The following ASGR1 variants were observed in gnomAD, a reference collection of about 807,000 sequenced individuals.
The protein encoded by ASGR1 is asialoglycoprotein receptor 1, also known as C-type lectin domain family 4 member H1.
In ASGR1, 35 loss-of-function variants were observed where a neutral mutation model predicts 33.1. The observed-to-expected ratio is 1.06, with a 90% CI of 0.81 to 1.40. The LOEUF is 1.40. Ranked by LOEUF, ASGR1 falls within the 40% of genes most tolerant of loss-of-function variation. The pLI is 0.00. For missense variants in ASGR1, 396 were observed against 373.7 expected (o/e 1.06, Z -0.49); for synonymous variants, 142 against 152.5 (o/e 0.93, Z 0.51).
chr17:7,174,700 CAG>C (rs1188265849), intron 5 of ASGR1, among the ~76,000 whole-genome samples: 25 of 145,082 alleles, frequency 1.7e-4, no homozygotes, highest in African/African-American at 5.8e-4. Context: ...CACACACACA[CAG>C]ACAATATACA....
Position 7,173,940 on chromosome 17 carries a change from C to A in ASGR1, c.701+21G>T. The A allele has an allele frequency of 1.9e-6, 3 of 1,613,858 alleles. No individual in the cohort carries two copies. Among genetic ancestry groups the A allele is most frequent in the Non-Finnish European group, 1.7e-6 (2 of 1,179,890 alleles). ...GGCGCGAAGGCGGCCGGACCCAGGC[C>A]GAGGGAGGGCGCGCACTCACTTGAA... On this transcript the variant is annotated intron_variant, in intron 8 of 8. Coordinates refer to ENST00000269299, the MANE Select transcript of ASGR1 (RefSeq NM_001671.5). This position sits in a 1 kb window ranked among gnomAD's most constrained non-coding sequence, Gnocchi z 4.7.
intron 5 of ASGR1, among the ~76,000 whole-genome samples, chr17:7,174,689 AC>A: frequency 6.9e-6 from 1 of 145,878 alleles, no homozygotes; most frequent in Non-Finnish European, 1.5e-5. Context: ...ACACATCCTA[AC>A]ACACACACAC....
chr17:7,177,059 C>T lies in ASGR1; in HGVS notation c.205G>A (p.Glu69Lys). Residue 69 changes from glutamate to lysine, a missense_variant, in exon 4 of 9, where the codon GAG (glutamate) becomes AAG (lysine). Glu to Lys is a moderately conservative substitution (Grantham distance 56). Coordinates refer to ENST00000269299, the MANE Select transcript of ASGR1 (RefSeq NM_001671.5). ...IGSQNSQLQEELRGLRETFSN... is the reference protein window; with the variant it reads ...IGSQNSQLQEKLRGLRETFSN... ...AACGTCTCTCTCAGGCCCCGCAGCT[C>T]CTCCTGCAGCTGGGAGTCTGGCCAG... The T allele has an allele frequency of 6.2e-7, 1 of 1,613,784 alleles. No homozygotes were observed. The highest frequency in any genetic ancestry group is 1.3e-5 in the African/African-American group (1 of 74,974).
intron 5 of ASGR1, chr17:7,176,590 ACTC>A (rs1459253261): frequency 5.2e-6 from 3 of 575,708 alleles, no homozygotes; most frequent in Non-Finnish European, 9.1e-6. Flanking sequence ...ACTCACACAC[ACTC>A]CATCTCATTC....
chr17:7,176,979 A>T lies in ASGR1; in HGVS notation c.283+2T>A, dbSNP rs1597424255. ...GCCCCAGCCCCGCCCCAGCGCCCTCACCCTGGGTGCTCAAGCCCTTGACCT... is the reference window on the plus strand; with the variant it reads ...GCCCCAGCCCCGCCCCAGCGCCCTCTCCCTGGGTGCTCAAGCCCTTGACCT... On this transcript the variant is annotated splice_donor_variant, in intron 4 of 8. Transcript: ENST00000269299. LOFTEE classifies it high-confidence loss of function. The T allele has an allele frequency of 1.3e-6, 2 of 1,552,886 alleles. No individual in the cohort carries two copies.
chr17:7,177,380 C>T (rs529915776), intron 2 of ASGR1, 54 bp from the exon 3 acceptor site: 1 of 1,427,858 alleles, frequency 7.0e-7, no homozygotes, highest in East Asian at 2.3e-5. Flanking sequence ...CCTGGCACAG[C>T]TCCAGGGTCC....
intron 5 of ASGR1, chr17:7,176,518 C>G: frequency 4.3e-6 from 2 of 463,750 alleles, no homozygotes; most frequent in South Asian, 4.6e-5. Context: ...CACACACCCC[C>G]TCTCATTCCC....
chr17:7,177,530 C>T (rs568853115), intron 2 of ASGR1: 7 of 556,718 alleles, frequency 1.3e-5, no homozygotes, highest in African/African-American at 1.1e-4. Flanking sequence ...GGGGGCTAAG[C>T]GCTGAGCCGC....
In ASGR1 at chr17:7,177,290, C is replaced by T; in HGVS notation, c.107G>A (p.Cys36Tyr). The T allele has an allele frequency of 6.2e-7, 1 of 1,613,622 alleles. No individual in the cohort carries two copies. Among genetic ancestry groups the T allele is most frequent in the South Asian group, 1.1e-5 (1 of 91,044 alleles). The part of the protein sequence containing the change: ...PPPQPLLQRL[C>Y]SGPRLLLLSL... Reference sequence around the variant, plus strand: ...GAGCAGGAGGAGGCGAGGTCCGGAGCAGAGACGCTGCAGGAGGGGCTGGGG... The same window carrying T: ...GAGCAGGAGGAGGCGAGGTCCGGAGTAGAGACGCTGCAGGAGGGGCTGGGG... Residue 36 changes from cysteine (C) to tyrosine (Y), a missense_variant, in exon 3 of 9, where the codon TGC (cysteine) becomes TAC (tyrosine). By Grantham distance (194) the Cys-to-Tyr change is radical. Coordinates refer to ENST00000269299, the MANE Select transcript of ASGR1 (RefSeq NM_001671.5).
chr17:7,175,467 A>G (rs2069186379), intron 5 of ASGR1, among the ~76,000 whole-genome samples: 1 of 149,108 alleles, frequency 6.7e-6, no homozygotes, highest in Non-Finnish European at 1.5e-5. Context: ...CACATACAAC[A>G]CACCCTCACC....
Position 7,174,151 on chromosome 17 carries a change from G to A in ASGR1, c.581C>T (p.Ser194Phe). Residue 194 changes from serine to phenylalanine, a missense_variant, in exon 7 of 9, where the codon TCC becomes TTC. Transcript: ENST00000269299. Reference protein sequence around the residue: ...LEDAHLVVVTSWEEQKFVQHH... With the variant: ...LEDAHLVVVTFWEEQKFVQHH... ...CCGGGTCCTCACCTGCTCCTCCCAGGACGTGACCACCACCAGGTGCGCGTC... is the reference window on the plus strand; with the variant it reads ...CCGGGTCCTCACCTGCTCCTCCCAGAACGTGACCACCACCAGGTGCGCGTC... 1 of 1,614,114 alleles carries A rather than the reference G, an allele frequency of 6.2e-7. No homozygotes were observed. The highest frequency in any genetic ancestry group is 8.5e-7 in the Non-Finnish European group (1 of 1,179,996).
At chr17:7,174,338 G>A (rs779871802) in intron 6 of ASGR1, 36 bp downstream of exon 6, 2 of 1,613,706 alleles carry the variant, frequency 1.2e-6, no homozygotes, top group Admixed American at 1.7e-5. Context: ...CCAGAGAAGG[G>A]GGGAGGCAGA....
chr17:7,176,681 C>G (rs992839691), intron 5 of ASGR1, 149 bp downstream of exon 5: 2 of 1,171,074 alleles, frequency 1.7e-6, no homozygotes, highest in East Asian at 2.5e-5. Context: ...AAAACACACT[C>G]CCCCTCATTC....
Position 7,178,558 on chromosome 17 carries a change from G to A in ASGR1, c.6C>T (p.Thr2=). ...GATGCTGAAGGTCTTGATACTCCTT[G>A]GTCATGATAGGGCTGGCGCTGGACC... M[T]KEYQDLQHLD... The change falls in exon 2 of 9, where the codon ACC becomes ACT. Residue 2 remains threonine, a synonymous_variant. Coordinates refer to ENST00000269299, the MANE Select transcript of ASGR1 (RefSeq NM_001671.5). 1 of 1,613,952 alleles carries A rather than the reference G, an allele frequency of 6.2e-7. No homozygotes were observed. The highest frequency in any genetic ancestry group is 1.1e-5 in the South Asian group (1 of 91,060).
At chr17:7,175,494 C>CAT (rs1028078761) in intron 5 of ASGR1, among the ~76,000 whole-genome samples, 5 of 150,800 alleles carry the variant, frequency 3.3e-5, no homozygotes, top group African/African-American at 1.2e-4. Context: ...ACACACCACA[C>CAT]ACACTCACCC....
At chr17:7,176,078 TCA>T (rs1408804711) in intron 5 of ASGR1, among the ~76,000 whole-genome samples, 1 of 139,160 alleles carries the variant, frequency 7.2e-6, no homozygotes. Context: ...CCACTCCTTC[TCA>T]TTCTCACACT....
chr17:7,174,769 A>C (rs2142760678), intron 5 of ASGR1, among the ~76,000 whole-genome samples: 1 of 150,898 alleles, frequency 6.6e-6, no homozygotes, highest in African/African-American at 2.4e-5. Flanking sequence ...CACAAAACAC[A>C]ACACATACAA....
chr17:7,176,658 C>T (rs769743252), intron 5 of ASGR1, 172 bp downstream of exon 5: 64 of 895,224 alleles, frequency 7.1e-5, no homozygotes, highest in Non-Finnish European at 1.1e-4. Context: ...ACAAGGCTCT[C>T]ATACACACAC....
chr17:7,177,035 A>G lies in ASGR1; in HGVS notation c.229T>C (p.Phe77Leu). 1 of 1,613,298 alleles carries G rather than the reference A, an allele frequency of 6.2e-7. No homozygotes were observed. Among genetic ancestry groups the G allele is most frequent in the Non-Finnish European group, 8.5e-7 (1 of 1,179,926 alleles). The change falls in exon 4 of 9, where the codon TTC becomes CTC. Residue 77 changes from phenylalanine (F) to leucine (L), a missense_variant. Transcript: ENST00000269299. The part of the protein sequence containing the change: ...QEELRGLRET[F>L]SNFTASTEAQ... The stretch of plus-strand genomic sequence containing the variant: ...TCCGTGCTCGCTGTGAAGTTGCTGA[A>G]CGTCTCTCTCAGGCCCCGCAGCTCC...
Sources: gnomAD v4.1 joint callset for allele counts (sites outside exome capture counted in the v4.1 genomes callset) on GRCh38, gnomAD v4.1.1 for gene constraint, Gnocchi (gnomAD v3.1) non-coding constraint, MANE v1.5 for transcripts, NCBI Gene and HGNC (gene_info 2026-07-23, HGNC 2026-07-21) for gene names.